Variants in SLC22A23 observed in about 807,000 individuals in gnomAD.
The protein encoded by SLC22A23 is solute carrier family 22 member 23.
SLC22A23 carries 26 observed loss-of-function variants against 61.0 expected under a neutral mutation model. The ratio of observed to expected loss-of-function variants is 0.43; its 90% CI spans 0.31 to 0.59. SLC22A23 has a LOEUF of 0.59. SLC22A23 is among the 20% of genes least tolerant of loss of function. The pLI is 0.11. For synonymous variants in SLC22A23, 430 were observed against 413.9 expected, an observed-to-expected ratio of 1.04 and a Z score of -0.47; for missense variants, 796 against 934.7, an observed-to-expected ratio of 0.85 and a Z score of 1.94.
intron 3 of SLC22A23, among the ~76,000 whole-genome samples, chr6:3,395,043 A>G (rs953375096): frequency 1.3e-5 from 2 of 152,242 alleles, no homozygotes; most frequent in Admixed American, 1.3e-4. Flanking sequence ...GCTGGGCTCC[A>G]GGATGCTGGC....
chr6:3,310,647 C>T (rs2127380130), intron 4 of SLC22A23, among the ~76,000 whole-genome samples: 2 of 147,876 alleles, frequency 1.4e-5, no homozygotes, highest in Admixed American at 1.4e-4. Context: ...GTAATTAAAA[C>T]TCAATACTGT....
chr6:3,317,787 G>A lies in SLC22A23; in HGVS notation c.1082+6047C>T, dbSNP rs1231883477. 2.6e-5 allele frequency among the ~76,000 whole-genome samples: 4 copies of A among 152,130 alleles called. No homozygotes were observed. The East Asian group carries it at 5.8e-4, about 22-fold the overall frequency. On this transcript the variant is annotated intron_variant, in intron 4 of 9. Transcript: ENST00000406686. The surrounding 1 kb of genome is among the most constrained non-coding windows in gnomAD (Gnocchi z 4.4). ...TCTGCCGCTCCTGCTTCACAACTAA[G>A]TGCTCAAGTTTGACTCTGCAAACCA...
rs533989893 is a variant in SLC22A23, at chr6:3,281,382, T to C, written c.1703+2470A>G. ...CAATATTTAGTTAACTTGGCCTCTA[T>C]CATCCTTGGGGCAATAGATTTCTGC... On this transcript the variant is annotated intron_variant, in intron 9 of 9. Coordinates refer to ENST00000406686, the MANE Select transcript of SLC22A23 (RefSeq NM_015482.2). Among the ~76,000 whole-genome samples the C allele has an allele frequency of 3.9e-5, 6 of 152,378 alleles. No individual in the cohort carries two copies. The South Asian group carries it at 6.2e-4, about 16-fold the overall frequency.
chr6:3,454,543 T>C lies in SLC22A23; in HGVS notation c.654+1363A>G, dbSNP rs1157148931. Among the ~76,000 whole-genome samples the C allele has an allele frequency of 6.6e-6, 1 of 152,242 alleles. No homozygotes were observed. Among genetic ancestry groups the C allele is most frequent in the East Asian group, 1.9e-4 (1 of 5,206 alleles). ...CATACACAGTGATTTAAATAGTCAT[T>C]GTTCTTAATTTTTCTTTGCTGCTAA... On this transcript the variant is annotated intron_variant, in intron 1 of 9. Transcript: ENST00000406686. The surrounding 1 kb of genome is among the most constrained non-coding windows in gnomAD (Gnocchi z 4.3).
chr6:3,305,612 G>A (rs536104527), intron 4 of SLC22A23, among the ~76,000 whole-genome samples: 68 of 152,140 alleles, frequency 4.5e-4, no homozygotes, highest in Admixed American at 7.9e-4. Flanking sequence ...AGTACATAAC[G>A]TAATAACGCC....
At chr6:3,371,281 A>C (rs1766202126) in intron 3 of SLC22A23, among the ~76,000 whole-genome samples, 1 of 152,272 alleles carries the variant, frequency 6.6e-6, no homozygotes, top group Admixed American at 6.5e-5. Flanking sequence ...TAGGTGCTGC[A>C]GGCCACATGG....
At chr6:3,449,237 G>A (rs1037113860) in intron 1 of SLC22A23, among the ~76,000 whole-genome samples, 2 of 152,124 alleles carry the variant, frequency 1.3e-5, no homozygotes, top group Admixed American at 1.3e-4. Flanking sequence ...GAAAACATAG[G>A]ATTTCCCCCC....
At chr6:3,295,968 A>G (rs1033948074) in intron 5 of SLC22A23, among the ~76,000 whole-genome samples, 1 of 152,238 alleles carries the variant, frequency 6.6e-6, no homozygotes, top group African/African-American at 2.4e-5. Context: ...TAAGCAAAGA[A>G]ATAAATTTTT....
At chr6:3,356,898 C>T (rs1765137785) in intron 3 of SLC22A23, among the ~76,000 whole-genome samples, 1 of 151,908 alleles carries the variant, frequency 6.6e-6, no homozygotes, top group Non-Finnish European at 1.5e-5. Context: ...GTCAGGTCAC[C>T]GACACTGTGA....
Position 3,372,060 on chromosome 6 carries a change from G to A in SLC22A23, c.913+38128C>T, listed in dbSNP as rs1229224803. On this transcript the variant is annotated intron_variant, in intron 3 of 9. Coordinates refer to ENST00000406686, the MANE Select transcript of SLC22A23 (RefSeq NM_015482.2). The surrounding 1 kb of genome is among the most constrained non-coding windows in gnomAD (Gnocchi z 4.7). ...TCATCATCCCTAATTTACAGATGAG[G>A]AAACTGAGGAACAGTTCCTAGCCCA... 6.6e-6 allele frequency among the ~76,000 whole-genome samples: 1 copy of A among 152,170 alleles called. No individual in the cohort carries two copies. The highest frequency in any genetic ancestry group is 2.4e-5 in the African/African-American group (1 of 41,418).
At chr6:3,397,431 G>GT (rs1366682160) in intron 3 of SLC22A23, among the ~76,000 whole-genome samples, 1 of 152,224 alleles carries the variant, frequency 6.6e-6, no homozygotes, top group African/African-American at 2.4e-5. Flanking sequence ...TACAAGCTCA[G>GT]TAAGTGTTAT....
At chr6:3,349,774 A>AT (rs1561915579) in intron 3 of SLC22A23, among the ~76,000 whole-genome samples, 1 of 152,224 alleles carries the variant, frequency 6.6e-6, no homozygotes, top group African/African-American at 2.4e-5. Context: ...TAAGCCTAAC[A>AT]TGAAAGCAGG....
chr6:3,385,901 T>C (rs1477322480), intron 3 of SLC22A23, among the ~76,000 whole-genome samples: 1 of 152,198 alleles, frequency 6.6e-6, no homozygotes, highest in Admixed American at 6.5e-5. Flanking sequence ...AAGGGAAATG[T>C]GGTCATCTCA....
chr6:3,444,599 C>T (rs993177280), intron 1 of SLC22A23, among the ~76,000 whole-genome samples: 1 of 152,212 alleles, frequency 6.6e-6, no homozygotes, highest in African/African-American at 2.4e-5. Flanking sequence ...GGCAGTGAAG[C>T]GCCAGGCAGA....
At chr6:3,381,152 C>G (rs956999418) in intron 3 of SLC22A23, among the ~76,000 whole-genome samples, 1 of 152,112 alleles carries the variant, frequency 6.6e-6, no homozygotes, top group Non-Finnish European at 1.5e-5. Context: ...CATCAGAGCC[C>G]GAGAACCATC....
intron 3 of SLC22A23, among the ~76,000 whole-genome samples, chr6:3,336,088 C>CAAAA (rs774382213): frequency 7.2e-6 from 1 of 138,668 alleles, no homozygotes; most frequent in Non-Finnish European, 1.6e-5. Flanking sequence ...GACTCCATCT[C>CAAAA]AAAAAAAAAA....
intron 1 of SLC22A23, chr6:3,444,887 G>T (rs986095691): frequency 1.0e-6 from 1 of 985,454 alleles, no homozygotes; most frequent in Admixed American, 6.1e-5. Flanking sequence ...GGAATAAATC[G>T]CCCTTCCAGG....
chr6:3,357,180 T>C (rs990346091), intron 3 of SLC22A23, among the ~76,000 whole-genome samples: 10 of 151,446 alleles, frequency 6.6e-5, no homozygotes, highest in African/African-American at 2.4e-4. Flanking sequence ...AGGATTCCAA[T>C]GCCATGGAAA....
Position 3,418,631 on chromosome 6 carries a change from G to A in SLC22A23, c.655-2776C>T, listed in dbSNP as rs1038578311. Reference sequence around the variant, plus strand: ...TGGCTCCACAGTTCCCAGCCTCTGGGCTTCCCCCTGGGGAGGGGGTGCAGG... The same window carrying A: ...TGGCTCCACAGTTCCCAGCCTCTGGACTTCCCCCTGGGGAGGGGGTGCAGG... On this transcript the variant is annotated intron_variant, in intron 1 of 9. Transcript: ENST00000406686. Among the ~76,000 whole-genome samples, 4 of 152,218 alleles carry A rather than the reference G, an allele frequency of 2.6e-5. No homozygotes were observed. In the South Asian group the frequency reaches 8.3e-4, roughly 32 times the overall value.
Sources: allele counts gnomAD v4.1 joint callset (sites outside exome capture counted in the v4.1 genomes callset), GRCh38; gene constraint gnomAD v4.1.1; non-coding constraint Gnocchi (gnomAD v3.1); transcripts MANE v1.5; gene names NCBI Gene and HGNC (gene_info 2026-07-23, HGNC 2026-07-21).